HSPA12A: variants seen among roughly 807,000 people sequenced by gnomAD.
The protein encoded by HSPA12A is heat shock 70 kDa protein 12A.
In HSPA12A, 28 loss-of-function variants were observed where a neutral mutation model predicts 69.2. The ratio of observed to expected loss-of-function variants is 0.40; its 90% CI spans 0.30 to 0.55. The LOEUF (loss-of-function observed/expected upper bound fraction) is 0.55, where lower values mean the gene tolerates loss of function less well. HSPA12A is among the 20% of genes least tolerant of loss of function. The probability of loss-of-function intolerance (pLI) is 0.38; values close to 1 mark genes in which losing one functional copy is unlikely to be tolerated. For synonymous variants in HSPA12A, 345 were observed against 370.5 expected (o/e 0.93, Z 0.79); for missense variants, 686 against 900.7 (o/e 0.76, Z 3.05).
At chr10:116,788,807 T>G (rs1589707067) in intron 2 of HSPA12A, among the ~76,000 whole-genome samples, 1 of 152,152 alleles carries the variant, frequency 6.6e-6, no homozygotes, top group East Asian at 1.9e-4. Context: ...AACTATCTAT[T>G]AATAGCAAAC....
upstream of HSPA12A, among the ~76,000 whole-genome samples, chr10:116,747,196 A>G (rs1851668012): frequency 6.6e-6 from 1 of 152,172 alleles, no homozygotes; most frequent in Non-Finnish European, 1.5e-5. Flanking sequence ...CAACCTTCAC[A>G]TGTACAATGT....
At chr10:116,696,002 CAAAAAAAAA>C (rs71013609) in intron 5 of HSPA12A, among the ~76,000 whole-genome samples, 11 of 32,714 alleles carry the variant, frequency 3.4e-4, no homozygotes, top group Non-Finnish European at 5.0e-4. Context: ...GACTCCATCT[CAAAAAAAAA>C]AAAAAAAAAA....
chr10:116,818,743 G>A (rs976880879), intron 2 of HSPA12A, among the ~76,000 whole-genome samples: 1 of 152,160 alleles, frequency 6.6e-6, no homozygotes, highest in African/African-American at 2.4e-5. Context: ...AGAAATGTTA[G>A]GACAAGGGAC....
At chr10:116,732,324 A>AAAACAAACAAACAAAC (rs1554885896) in intron 1 of HSPA12A, among the ~76,000 whole-genome samples, 2 of 27,456 alleles carry the variant, frequency 7.3e-5, no homozygotes, top group Non-Finnish European at 9.3e-5. Flanking sequence ...CGTCTCAAAA[A>AAAACAAACAAACAAAC]AAACAAAGAA....
chr10:116,794,995 C>A (rs549252997), intron 2 of HSPA12A, among the ~76,000 whole-genome samples: 1 of 152,172 alleles, frequency 6.6e-6, no homozygotes, highest in African/African-American at 2.4e-5. Context: ...GCAGCAGAGA[C>A]AAACTTATAG....
At position 116,714,616 on chromosome 10, in the gene HSPA12A, T is replaced by A. The variant is rs367851961; in HGVS notation, c.41-7331A>T. On this transcript the variant is annotated intron_variant, in intron 1 of 11. Transcript: ENST00000369209. ...TGCAGATACAGAGAAAGCCATCTGG[T>A]CAAAATCAAGGTCTGCTCACCTAAC... Among the ~76,000 whole-genome samples the A allele has an allele frequency of 3.3e-5, 5 of 152,214 alleles. No homozygotes were observed. In the East Asian group the frequency reaches 9.7e-4, roughly 29 times the overall value.
rs534421776 is a variant in HSPA12A, at chr10:116,780,075, A to G, written c.91+54860T>C. 4.0e-4 allele frequency among the ~76,000 whole-genome samples: 61 copies of G among 152,316 alleles called. 2 individuals carry two copies. The South Asian group carries it at 0.013, about 32-fold the overall frequency. ...ACTGCGTCCTTCTCACGCGAAGGGC[A>G]AAGATCCCGTTCATCCACAGGGACT... On this transcript the variant is annotated intron_variant, in intron 2 of 12. Transcript: ENST00000635765.
intron 2 of HSPA12A, among the ~76,000 whole-genome samples, chr10:116,706,236 C>G (rs1216757216): frequency 6.6e-6 from 1 of 150,918 alleles, no homozygotes; most frequent in Non-Finnish European, 1.5e-5. Context: ...TTTTTTAACT[C>G]CCACAGAACT....
At chr10:116,787,070 T>C (rs1844594926) in intron 2 of HSPA12A, among the ~76,000 whole-genome samples, 1 of 151,972 alleles carries the variant, frequency 6.6e-6, no homozygotes, top group Non-Finnish European at 1.5e-5. Context: ...TCTGGGATAC[T>C]GTCGTGTTGG....
At chr10:116,735,918 G>A (rs1422043300) in intron 1 of HSPA12A, among the ~76,000 whole-genome samples, 4 of 151,672 alleles carry the variant, frequency 2.6e-5, no homozygotes, top group African/African-American at 9.7e-5. Flanking sequence ...GATCGTTTCA[G>A]CCCAGGAAGC....
chr10:116,825,830 C>T (rs890055527), intron 2 of HSPA12A, among the ~76,000 whole-genome samples: 7 of 152,144 alleles, frequency 4.6e-5, no homozygotes, highest in African/African-American at 1.7e-4. Flanking sequence ...TTGAATTATA[C>T]ACTTTGAGTG....
chr10:116,804,615 C>T (rs1845030482), intron 2 of HSPA12A, among the ~76,000 whole-genome samples: 1 of 152,118 alleles, frequency 6.6e-6, no homozygotes, highest in Non-Finnish European at 1.5e-5. Context: ...AATGTTCCTG[C>T]GTGTTCCTAC....
chr10:116,765,780 A>G (rs1229110073), intron 2 of HSPA12A, among the ~76,000 whole-genome samples: 3 of 152,182 alleles, frequency 2.0e-5, no homozygotes, highest in Non-Finnish European at 2.9e-5. Context: ...AGGGTTTACA[A>G]TGAAATGCCT....
At chr10:116,793,262 CT>C (rs2133155619) in intron 2 of HSPA12A, among the ~76,000 whole-genome samples, 1 of 152,258 alleles carries the variant, frequency 6.6e-6, no homozygotes, top group African/African-American at 2.4e-5. Flanking sequence ...ATGATAATGC[CT>C]TATGGAGTTA....
At chr10:116,744,996 C>T (rs1166591596), upstream of HSPA12A, among the ~76,000 whole-genome samples, 4 of 152,302 alleles carry the variant, frequency 2.6e-5, no homozygotes, top group African/African-American at 9.6e-5. Context: ...TCAGCTCCTT[C>T]CACTCTCCCA....
At chr10:116,704,633 A>T (rs1479620726) in intron 3 of HSPA12A, among the ~76,000 whole-genome samples, 1 of 152,028 alleles carries the variant, frequency 6.6e-6, no homozygotes, top group African/African-American at 2.4e-5. Flanking sequence ...TAAAAAAAAT[A>T]AAAGAAAGGG....
At chr10:116,682,592 A>C (rs1399307997) in intron 7 of HSPA12A, among the ~76,000 whole-genome samples, 2 of 152,054 alleles carry the variant, frequency 1.3e-5, no homozygotes, top group Non-Finnish European at 2.9e-5. Flanking sequence ...CTGTGGCTTG[A>C]GGTGCTGAGT....
intron 2 of HSPA12A, 41 bp downstream of exon 2, chr10:116,707,153 GCACACA>G (rs59728190): frequency 0.026 from 15,194 of 581,600 alleles, 124 homozygotes; most frequent in East Asian, 0.095. Context: ...ACCCATGCGC[GCACACA>G]CACACACACA....
At chr10:116,767,433 T>A (rs1221506842) in intron 2 of HSPA12A, among the ~76,000 whole-genome samples, 1 of 152,184 alleles carries the variant, frequency 6.6e-6, no homozygotes, top group Non-Finnish European at 1.5e-5. Context: ...GAGAGGGTCA[T>A]CCACCCCAGC....
Sources: allele counts gnomAD v4.1 joint callset (sites outside exome capture counted in the v4.1 genomes callset), GRCh38; gene constraint gnomAD v4.1.1; transcripts MANE v1.5; gene names NCBI Gene and HGNC (gene_info 2026-07-23, HGNC 2026-07-21).